The following EPHB1 variants were observed in gnomAD, a reference collection of about 807,000 sequenced individuals.
The protein encoded by EPHB1 is EPH receptor B1, also known as ephrin type-B receptor 1.
Under a neutral mutation model 94.4 loss-of-function variants are expected in EPHB1, and 30 were observed. The observed-to-expected ratio is 0.32, with a 90% CI of 0.24 to 0.43. EPHB1 has a LOEUF of 0.43. Among genes scored for constraint, EPHB1 ranks in the 20% least tolerant of loss-of-function variants. The pLI is 1.00. For synonymous variants in EPHB1, 522 were observed against 489.1 expected, an observed-to-expected ratio of 1.07 and a Z score of -0.89; for missense variants, 1,055 against 1,308.3, an observed-to-expected ratio of 0.81 and a Z score of 2.99.
intron 12 of EPHB1, among the ~76,000 whole-genome samples, chr3:135,204,143 C>A (rs780930169): frequency 6.6e-6 from 1 of 152,060 alleles, no homozygotes; most frequent in Non-Finnish European, 1.5e-5. Context: ...AAGTATATAT[C>A]CTTTGTGTTA....
intron 3 of EPHB1, among the ~76,000 whole-genome samples, chr3:134,987,470 C>A (rs1348322170): frequency 2.6e-5 from 4 of 152,082 alleles, no homozygotes; most frequent in Non-Finnish European, 5.9e-5. Flanking sequence ...ACAGAAAAGA[C>A]CATGTGAGGC....
At chr3:135,217,458 A>ACG (rs1467766886) in intron 12 of EPHB1, among the ~76,000 whole-genome samples, 1 of 146,780 alleles carries the variant, frequency 6.8e-6, no homozygotes, top group Non-Finnish European at 1.5e-5. Flanking sequence ...ACACACACAC[A>ACG]CACACACACG....
chr3:135,029,051 T>C (rs545989832), intron 3 of EPHB1, among the ~76,000 whole-genome samples: 1,597 of 135,602 alleles, frequency 0.012, 28 homozygotes, highest in African/African-American at 0.039. Context: ...TTGCAACCCC[T>C]GCCTTTTTTT....
intron 2 of EPHB1, among the ~76,000 whole-genome samples, chr3:134,950,500 TGCAG>T (rs1308798728): frequency 6.6e-6 from 1 of 152,236 alleles, no homozygotes; most frequent in African/African-American, 2.4e-5. Context: ...TTCATAGTTC[TGCAG>T]GCTGAACATG....
chr3:134,976,701 G>T (rs1934205367), intron 3 of EPHB1, among the ~76,000 whole-genome samples: 1 of 151,962 alleles, frequency 6.6e-6, no homozygotes, highest in Non-Finnish European at 1.5e-5. Context: ...AACCTTATAT[G>T]CAAAACTGCA....
chr3:135,246,607 G>A (rs552219749), intron 13 of EPHB1, among the ~76,000 whole-genome samples: 2 of 152,276 alleles, frequency 1.3e-5, no homozygotes, highest in East Asian at 3.9e-4. Context: ...GTGCCCCTGG[G>A]CAAATTATTT....
intron 3 of EPHB1, among the ~76,000 whole-genome samples, chr3:135,089,749 C>T (rs957850497): frequency 6.6e-6 from 1 of 152,186 alleles, no homozygotes; most frequent in African/African-American, 2.4e-5. Flanking sequence ...TCGTGTCCTG[C>T]TGTTTGCTTT....
At chr3:135,094,717 A>T (rs548682462) in intron 3 of EPHB1, among the ~76,000 whole-genome samples, 170 of 152,276 alleles carry the variant, frequency 1.1e-3, no homozygotes, top group African/African-American at 4.0e-3. Context: ...GTGCTGCAGC[A>T]TCGTACCTTT....
intron 3 of EPHB1, among the ~76,000 whole-genome samples, chr3:135,060,558 G>A (rs1937469139): frequency 1.3e-5 from 2 of 152,100 alleles, no homozygotes; most frequent in Admixed American, 1.3e-4. Context: ...TGGAATTTCT[G>A]GGTCACATGT....
In EPHB1 at chr3:135,214,570, G is replaced by A. The variant is rs377022835; in HGVS notation, c.2346+12881G>A. ...GCTCCAGAGGTCTTTGTTCTGTGAC[G>A]AATTTCAGTCATCCCAGGTCATGGT... On this transcript the variant is annotated intron_variant, in intron 12 of 15. Coordinates refer to ENST00000398015, the MANE Select transcript of EPHB1 (RefSeq NM_004441.5). 7.9e-5 allele frequency among the ~76,000 whole-genome samples: 12 copies of A among 152,126 alleles called. No homozygotes were observed. The South Asian group carries it at 8.3e-4, about 11-fold the overall frequency.
At position 134,891,598 on chromosome 3, in the gene EPHB1, A is replaced by G. The variant is rs182936667; in HGVS notation, c.59-34218A>G. On this transcript the variant is annotated intron_variant, in intron 1 of 15. Coordinates refer to ENST00000398015, the MANE Select transcript of EPHB1 (RefSeq NM_004441.5). ...ATGTTCATTGAGACACCTGGATAAT[A>G]TTTTGAATTTATTAATATGGTTAAT... 5.0e-3 allele frequency among the ~76,000 whole-genome samples: 758 copies of G among 152,356 alleles called. 6 individuals carry two copies. Among genetic ancestry groups the G allele is most frequent in the South Asian group, 0.029 (141 of 4,822 alleles).
chr3:134,997,137 A>G (rs1935021650), intron 3 of EPHB1, among the ~76,000 whole-genome samples: 1 of 152,210 alleles, frequency 6.6e-6, no homozygotes, highest in Non-Finnish European at 1.5e-5. Flanking sequence ...CTTGTTTCCC[A>G]GTAGCTAACT....
At chr3:135,069,561 G>C (rs1432930179) in intron 3 of EPHB1, among the ~76,000 whole-genome samples, 1 of 152,162 alleles carries the variant, frequency 6.6e-6, no homozygotes, top group Non-Finnish European at 1.5e-5. Flanking sequence ...AGCTGGGTGA[G>C]GCCTTACCAG....
chr3:135,060,212 T>C (rs1007939740), intron 3 of EPHB1, among the ~76,000 whole-genome samples: 5 of 152,212 alleles, frequency 3.3e-5, no homozygotes, highest in South Asian at 2.1e-4. Context: ...CTGGTGACCA[T>C]TGATCCACTT....
chr3:134,987,348 G>T (rs948519353), intron 3 of EPHB1, among the ~76,000 whole-genome samples: 3 of 152,122 alleles, frequency 2.0e-5, no homozygotes, highest in African/African-American at 4.8e-5. Context: ...GATGGCATTT[G>T]GTTATAAAAC....
chr3:135,165,201 C>T (rs891558566), intron 7 of EPHB1, among the ~76,000 whole-genome samples: 19 of 152,130 alleles, frequency 1.2e-4, no homozygotes, highest in African/African-American at 4.3e-4. Context: ...TTTAGGACAC[C>T]TATGATAGAG....
rs564056498 is a variant in EPHB1 at position 135,256,559 on chromosome 3, T to G, written c.2847-2453T>G. On this transcript the variant is annotated intron_variant, in intron 15 of 15. Transcript: ENST00000398015. ...TTGAATATTGGCCCCCACTCTCTTC[T>G]GACTTGTAGGGTTTCTGCCGAGAGA... Among the ~76,000 whole-genome samples the G allele has an allele frequency of 2.6e-5, 4 of 152,340 alleles. No homozygotes were observed. In the South Asian group the frequency reaches 6.2e-4, roughly 24 times the overall value.
chr3:135,077,221 C>T (rs917739747), intron 3 of EPHB1, among the ~76,000 whole-genome samples: 1 of 152,192 alleles, frequency 6.6e-6, no homozygotes, highest in Non-Finnish European at 1.5e-5. Context: ...GGACAAGTCT[C>T]AGCCTCCAGG....
intron 3 of EPHB1, among the ~76,000 whole-genome samples, chr3:135,069,771 A>G (rs1252842078): frequency 6.6e-6 from 1 of 152,146 alleles, no homozygotes; most frequent in Non-Finnish European, 1.5e-5. Context: ...GCTTGACATC[A>G]ATAACCTTGT....
Sources: gnomAD v4.1 joint callset for allele counts (sites outside exome capture counted in the v4.1 genomes callset) on GRCh38, gnomAD v4.1.1 for gene constraint, MANE v1.5 for transcripts, NCBI Gene and HGNC (gene_info 2026-07-23, HGNC 2026-07-21) for gene names.